GPR149: variants seen among roughly 807,000 people sequenced by gnomAD.
GPR149 encodes G protein-coupled receptor 149, also known as probable G protein-coupled receptor 149.
A neutral mutation model predicts 50.2 loss-of-function variants in GPR149; 50 were observed. The ratio of observed to expected loss-of-function variants is 1.00; its 90% CI spans 0.79 to 1.26. GPR149 has a LOEUF of 1.26. Ranked by LOEUF, GPR149 falls within the 50% of genes most tolerant of loss-of-function variation. The pLI, the probability that GPR149 is intolerant of heterozygous loss-of-function variation, is 0.00. For missense variants in GPR149, 983 were observed against 895.4 expected (o/e 1.10, Z -1.25); for synonymous variants, 405 against 358.2 (o/e 1.13, Z -1.48).
At chr3:154,342,279 C>T (rs1426420065) in intron 3 of GPR149, among the ~76,000 whole-genome samples, 2 of 152,010 alleles carry the variant, frequency 1.3e-5, no homozygotes, top group Non-Finnish European at 2.9e-5. Flanking sequence ...AATAGTGATG[C>T]TATGGAGAAT....
intron 3 of GPR149, among the ~76,000 whole-genome samples, chr3:154,350,238 C>G (rs914010742): frequency 6.6e-6 from 1 of 151,840 alleles, no homozygotes; most frequent in Non-Finnish European, 1.5e-5. Flanking sequence ...ATTGTACAGA[C>G]CAGAAAGGAA....
At chr3:154,383,033 G>A (rs1038797441) in intron 3 of GPR149, among the ~76,000 whole-genome samples, 2 of 152,132 alleles carry the variant, frequency 1.3e-5, no homozygotes, top group African/African-American at 4.8e-5. Flanking sequence ...TGAAGTGAGG[G>A]CAGCCTAGGA....
intron 3 of GPR149, among the ~76,000 whole-genome samples, chr3:154,417,466 T>TA (rs528651792): frequency 1.3e-5 from 2 of 151,610 alleles, no homozygotes; most frequent in African/African-American, 4.8e-5. Context: ...AAACTTTAAT[T>TA]AAAAAAAAGC....
chr3:154,345,332 TG>T (rs1713902064), intron 3 of GPR149, among the ~76,000 whole-genome samples: 1 of 152,210 alleles, frequency 6.6e-6, no homozygotes, highest in Non-Finnish European at 1.5e-5. Context: ...TAGAATAGAT[TG>T]TTTTTATGAA....
chr3:154,395,362 T>A (rs2108414935), intron 3 of GPR149, among the ~76,000 whole-genome samples: 1 of 124,856 alleles, frequency 8.0e-6, no homozygotes, highest in Non-Finnish European at 1.7e-5. Context: ...TTAAAGGTAA[T>A]GTTTTTTAAA....
At chr3:154,377,601 C>T (rs1226475498) in intron 3 of GPR149, among the ~76,000 whole-genome samples, 2 of 151,886 alleles carry the variant, frequency 1.3e-5, no homozygotes, top group East Asian at 1.9e-4. Context: ...CCTGACCTCA[C>T]GTGATCCCTT....
At chr3:154,352,079 TA>T in intron 3 of GPR149, 1 of 518,942 alleles carries the variant, frequency 1.9e-6, no homozygotes, top group East Asian at 3.4e-5. Context: ...TGGTGGATAA[TA>T]TACATAATTA....
At chr3:154,407,086 C>T (rs1711714782) in intron 3 of GPR149, among the ~76,000 whole-genome samples, 1 of 152,006 alleles carries the variant, frequency 6.6e-6, no homozygotes, top group African/African-American at 2.4e-5. Context: ...ATGGGGGAAA[C>T]CACCCCTCAT....
intron 3 of GPR149, among the ~76,000 whole-genome samples, chr3:154,361,134 T>A (rs1262682801): frequency 1.3e-5 from 2 of 152,196 alleles, no homozygotes. Context: ...CAATTCTTTT[T>A]AAAATACATT....
intron 2 of GPR149, 56 bp from the exon 3 acceptor site, chr3:154,421,543 T>C (rs1023314788): frequency 8.4e-6 from 7 of 837,558 alleles, no homozygotes; most frequent in Non-Finnish European, 1.3e-5. Flanking sequence ...AAGACAACAT[T>C]GTATATATAT....
At chr3:154,369,947 C>G (rs1378470263) in intron 3 of GPR149, among the ~76,000 whole-genome samples, 1 of 152,194 alleles carries the variant, frequency 6.6e-6, no homozygotes, top group Non-Finnish European at 1.5e-5. Context: ...GGGCAACAGG[C>G]AGCCCCCACT....
intron 1 of GPR149, among the ~76,000 whole-genome samples, chr3:154,428,364 A>G (rs996902093): frequency 6.6e-6 from 1 of 152,194 alleles, no homozygotes; most frequent in East Asian, 1.9e-4. Flanking sequence ...CACCACCGAT[A>G]TGGAAAACTA....
At chr3:154,358,538 T>C (rs1046481106) in intron 3 of GPR149, among the ~76,000 whole-genome samples, 2 of 152,130 alleles carry the variant, frequency 1.3e-5, no homozygotes, top group African/African-American at 4.8e-5. Context: ...TATTTATCAA[T>C]AAAGCATTGT....
intron 3 of GPR149, among the ~76,000 whole-genome samples, chr3:154,358,712 C>T (rs530957979): frequency 1.3e-5 from 2 of 152,136 alleles, no homozygotes; most frequent in African/African-American, 4.8e-5. Context: ...TAGAAAGAAA[C>T]CTGTAAGGAT....
At position 154,338,839 on chromosome 3, in the gene GPR149, C is replaced by G. The variant is rs554787783; in HGVS notation, c.1624-568G>C. 4.2e-4 allele frequency among the ~76,000 whole-genome samples: 64 copies of G among 152,224 alleles called. No homozygotes were observed. The South Asian group carries it at 6.6e-3, about 16-fold the overall frequency. On this transcript the variant is annotated intron_variant, in intron 3 of 3. Coordinates refer to ENST00000389740, the MANE Select transcript of GPR149 (RefSeq NM_001038705.3). ...CCAGAACTATGCTACAAAGAGCGTACTTTTCCACAGAGAAATCAGTCATTA... is the reference window on the plus strand; with the variant it reads ...CCAGAACTATGCTACAAAGAGCGTAGTTTTCCACAGAGAAATCAGTCATTA...
At chr3:154,395,618 G>GTA (rs1233056001) in intron 3 of GPR149, among the ~76,000 whole-genome samples, 3 of 151,936 alleles carry the variant, frequency 2.0e-5, no homozygotes, top group Admixed American at 6.6e-5. Context: ...GTAAGACCCT[G>GTA]TTTCTACGAA....
At chr3:154,424,872 T>C (rs1712250363) in intron 2 of GPR149, among the ~76,000 whole-genome samples, 1 of 150,436 alleles carries the variant, frequency 6.6e-6, no homozygotes, top group African/African-American at 2.5e-5. Flanking sequence ...CCAGATACTA[T>C]CATTTTGTCA....
chr3:154,411,453 G>A (rs183259894), intron 3 of GPR149, among the ~76,000 whole-genome samples: 298 of 152,108 alleles, frequency 2.0e-3, no homozygotes, highest in African/African-American at 6.8e-3. Flanking sequence ...GACCATTAGC[G>A]AGATTTATCA....
intron 3 of GPR149, among the ~76,000 whole-genome samples, chr3:154,363,321 C>A (rs1576906753): frequency 6.6e-6 from 1 of 152,062 alleles, no homozygotes; most frequent in Admixed American, 6.5e-5. Context: ...ATACTACAAA[C>A]TGAATAATTT....
Sources: gnomAD v4.1 joint callset for allele counts (sites outside exome capture counted in the v4.1 genomes callset) on GRCh38, gnomAD v4.1.1 for gene constraint, MANE v1.5 for transcripts, NCBI Gene and HGNC (gene_info 2026-07-23, HGNC 2026-07-21) for gene names.